Variants in EFCAB13 observed in about 807,000 individuals in gnomAD.
The protein encoded by EFCAB13 is EF-hand calcium binding domain 13.
In EFCAB13, 91 loss-of-function variants were observed where a neutral mutation model predicts 110.2. The ratio of observed to expected loss-of-function variants is 0.83; its 90% CI spans 0.70 to 0.98. EFCAB13 has a LOEUF of 0.98. Among genes scored for constraint, EFCAB13 ranks in the 50% least tolerant of loss-of-function variants. The pLI, the probability that EFCAB13 is intolerant of heterozygous loss-of-function variation, is 0.00. For missense variants in EFCAB13, 968 were observed against 1,119.4 expected (o/e 0.86, Z 1.93); for synonymous variants, 323 against 369.9 (o/e 0.87, Z 1.45).
intron 12 of EFCAB13, among the ~76,000 whole-genome samples, chr17:47,375,336 G>A (rs1036807753): frequency 1.7e-4 from 26 of 152,130 alleles, no homozygotes; most frequent in Admixed American, 1.4e-3. Flanking sequence ...TGTCAACCAG[G>A]CTGGAGTGTA....
chr17:47,424,058 C>T (rs1378944065), intron 23 of EFCAB13, among the ~76,000 whole-genome samples: 4 of 152,160 alleles, frequency 2.6e-5, no homozygotes, highest in Non-Finnish European at 4.4e-5. Context: ...GGTGCGCGCT[C>T]GGGGTCCCCT....
intron 14 of EFCAB13, among the ~76,000 whole-genome samples, chr17:47,379,836 T>G (rs1339915817): frequency 6.6e-6 from 1 of 152,206 alleles, no homozygotes; most frequent in East Asian, 1.9e-4. Flanking sequence ...TTTGTTCTGT[T>G]TATACATATG....
intron 22 of EFCAB13, 72 bp downstream of exon 22, chr17:47,412,988 T>TA: frequency 6.7e-7 from 1 of 1,495,358 alleles, no homozygotes; most frequent in Non-Finnish European, 9.0e-7. Context: ...AGAGTGTACC[T>TA]ATAAGGATAA....
intron 4 of EFCAB13, 31 bp downstream of exon 4, chr17:47,328,414 C>T: frequency 6.6e-7 from 1 of 1,505,508 alleles, no homozygotes; most frequent in Non-Finnish European, 9.0e-7. Context: ...CTAAAGATTT[C>T]TTCTTTCTTC....
intron 15 of EFCAB13, among the ~76,000 whole-genome samples, chr17:47,392,428 A>G (rs1598746963): frequency 6.6e-6 from 1 of 152,088 alleles, no homozygotes; most frequent in African/African-American, 2.4e-5. Context: ...ACTCTTGAAG[A>G]AGAACATTTG....
rs185755388 is a variant in EFCAB13, at chr17:47,352,410, A to C, written c.661+4459A>C. ...AAAGATCAGGTGGCTATAGATATGAAGCTTCATTTCTGGGTTCTGTTTTCT... is the reference window on the plus strand; with the variant it reads ...AAAGATCAGGTGGCTATAGATATGACGCTTCATTTCTGGGTTCTGTTTTCT... On this transcript the variant is annotated intron_variant, in intron 9 of 24. Coordinates refer to ENST00000331493, the MANE Select transcript of EFCAB13 (RefSeq NM_152347.5). Among the ~76,000 whole-genome samples, 675 of 152,068 alleles carry C rather than the reference A, an allele frequency of 4.4e-3. 7 individuals are homozygous for C. The highest frequency in any genetic ancestry group is 0.016 in the African/African-American group (654 of 41,422).
intron 9 of EFCAB13, among the ~76,000 whole-genome samples, chr17:47,348,790 T>C (rs1402362290): frequency 6.6e-6 from 1 of 150,742 alleles, no homozygotes; most frequent in Non-Finnish European, 1.5e-5. Context: ...TTGAGATTCT[T>C]TATATATTCT....
chr17:47,361,011 T>C (rs2143316838), intron 9 of EFCAB13, among the ~76,000 whole-genome samples: 1 of 152,286 alleles, frequency 6.6e-6, no homozygotes, highest in Middle Eastern at 3.4e-3. Context: ...TTTAATTTAT[T>C]TTAGTTAAAT....
At chr17:47,378,764 T>C (rs2143374983) in intron 13 of EFCAB13, among the ~76,000 whole-genome samples, 1 of 152,280 alleles carries the variant, frequency 6.6e-6, no homozygotes, top group East Asian at 1.9e-4. Context: ...CTGGTTAGTA[T>C]TGTTAAGGTG....
chr17:47,436,656 T>C (rs1319314082), intron 24 of EFCAB13, among the ~76,000 whole-genome samples: 1 of 152,142 alleles, frequency 6.6e-6, no homozygotes, highest in Admixed American at 6.6e-5. Context: ...TTGGATTTTC[T>C]CTCTTCTTTT....
At chr17:47,373,630 A>G (rs921148810) in intron 11 of EFCAB13, among the ~76,000 whole-genome samples, 2 of 152,148 alleles carry the variant, frequency 1.3e-5, no homozygotes, top group African/African-American at 4.8e-5. Context: ...AGTGTCAAAG[A>G]TTATATTTTT....
At chr17:47,423,090 C>A (rs1033781480) in intron 23 of EFCAB13, among the ~76,000 whole-genome samples, 2 of 152,110 alleles carry the variant, frequency 1.3e-5, no homozygotes, top group Non-Finnish European at 2.9e-5. Flanking sequence ...AAAAGTTAAT[C>A]TTGGTGCCTT....
In EFCAB13 at chr17:47,420,240, C is replaced by T. The variant is rs541381975; in HGVS notation, c.2494+5321C>T. On this transcript the variant is annotated intron_variant, in intron 23 of 24. Transcript: ENST00000331493. ...CCGGGGTTGCAGACGGAGTCTGGTTCACTCAGTGCTCAATGGTGCCCAGGC... is the reference window on the plus strand; with the variant it reads ...CCGGGGTTGCAGACGGAGTCTGGTTTACTCAGTGCTCAATGGTGCCCAGGC... Among the ~76,000 whole-genome samples, 64 of 152,364 alleles carry T rather than the reference C, an allele frequency of 4.2e-4. 3 individuals are homozygous for T. In the East Asian group the frequency reaches 0.012, roughly 28 times the overall value.
intron 14 of EFCAB13, among the ~76,000 whole-genome samples, chr17:47,387,735 A>G (rs530282502): frequency 2.4e-4 from 36 of 152,280 alleles, no homozygotes; most frequent in Middle Eastern, 3.4e-3. Context: ...ACATATGTCT[A>G]TATCTTGTCA....
chr17:47,419,453 C>G (rs1209113237), intron 23 of EFCAB13, among the ~76,000 whole-genome samples: 2 of 152,092 alleles, frequency 1.3e-5, no homozygotes, highest in Non-Finnish European at 2.9e-5. Flanking sequence ...TGTGATGGCA[C>G]ATGACTGTAG....
At chr17:47,337,443 T>C (rs1471590553) in intron 5 of EFCAB13, among the ~76,000 whole-genome samples, 1 of 152,178 alleles carries the variant, frequency 6.6e-6, no homozygotes, top group African/African-American at 2.4e-5. Context: ...CCTATGTGCA[T>C]GTAAGAAATC....
chr17:47,404,122 T>C (rs530446114), intron 19 of EFCAB13, 101 bp downstream of exon 19: 1 of 918,020 alleles, frequency 1.1e-6, no homozygotes, highest in African/African-American at 1.7e-5. Flanking sequence ...AATGTAATCT[T>C]TGAAACGGAG....
chr17:47,357,020 C>T (rs1231780429), intron 9 of EFCAB13, among the ~76,000 whole-genome samples: 8 of 152,296 alleles, frequency 5.3e-5, no homozygotes, highest in Admixed American at 1.3e-4. Flanking sequence ...AAGCCAGCAG[C>T]GATAGGCCTC....
chr17:47,425,401 T>C (rs1904918078), intron 23 of EFCAB13, among the ~76,000 whole-genome samples: 1 of 152,176 alleles, frequency 6.6e-6, no homozygotes, highest in South Asian at 2.1e-4. Flanking sequence ...TCTCACTCTG[T>C]GTGTGATGAA....
Sources: gnomAD v4.1 joint callset for allele counts (sites outside exome capture counted in the v4.1 genomes callset) on GRCh38, gnomAD v4.1.1 for gene constraint, MANE v1.5 for transcripts, NCBI Gene and HGNC (gene_info 2026-07-23, HGNC 2026-07-21) for gene names.